SH2B3: variants seen among roughly 807,000 people sequenced by gnomAD.
The protein encoded by SH2B3 is SH2B adapter protein 3.
In SH2B3, 43 loss-of-function variants were observed where a neutral mutation model predicts 51.9. That is an observed-to-expected ratio of 0.83 (90% confidence interval 0.65 to 1.07). SH2B3 has a LOEUF of 1.07. Among genes scored for constraint, SH2B3 ranks in the 50% least tolerant of loss-of-function variants. SH2B3 has a pLI of 0.00. For synonymous variants in SH2B3, 396 were observed against 376.0 expected (o/e 1.05, Z -0.62); for missense variants, 952 against 834.3 (o/e 1.14, Z -1.74).
intron 2 of SH2B3, among the ~76,000 whole-genome samples, chr12:111,424,344 C>T (rs1477246174): frequency 6.6e-6 from 1 of 151,870 alleles, no homozygotes; most frequent in African/African-American, 2.4e-5. Context: ...ACGTGCCTGG[C>T]GCTGGGAGCA....
Position 111,447,563 on chromosome 12 carries a change from T to TGGGGTGGGGC in SH2B3, c.1236+20_1236+29dup. The TGGGGTGGGGC allele has an allele frequency of 5.4e-6, 1 of 183,962 alleles. No individual in the cohort carries two copies. The highest frequency in any genetic ancestry group is 1.1e-5 in the Non-Finnish European group (1 of 94,550). 11.4% of individuals were successfully genotyped at this position (183,962 alleles called of 1,614,324 possible). ...AGCCAAGGTATGGGGTGGGGTGGGGTGGGGTGGGGCAGGCAGGACCGTGCC... is the reference window on the plus strand; with the variant it reads ...AGCCAAGGTATGGGGTGGGGTGGGGTGGGGTGGGGCGGGGTGGGGCAGGCAGGACCGTGCC... On this transcript the variant is annotated intron_variant, in intron 6 of 7. Transcript: ENST00000341259.
chr12:111,447,508 A>G lies in SH2B3; in HGVS notation c.1200A>G (p.Glu400=). Residue 400 remains glutamate, a synonymous_variant, in exon 6 of 8, where the codon GAA becomes GAG. Transcript: ENST00000341259. ...GGCAGAGCGAGACGCGGCGTGGGGAATACGTGCTCACTTTCAACTTTCAGG... is the reference window on the plus strand; with the variant it reads ...GGCAGAGCGAGACGCGGCGTGGGGAGTACGTGCTCACTTTCAACTTTCAGG... The part of the protein sequence containing the change: ...LVRQSETRRG[E]YVLTFNFQGI... The G allele has an allele frequency of 1.4e-6, 2 of 1,415,792 alleles. No homozygotes were observed. The highest frequency in any genetic ancestry group is 4.1e-5 in the East Asian group (1 of 24,328). The allele number at this position is 1,415,792 out of a possible 1,614,324, so 87.7% of individuals were successfully genotyped here. A position where few individuals can be genotyped will look rare whatever the true frequency, so the allele number is the denominator to read the frequency against.
chr12:111,421,077 C>T (rs1871513632), intron 2 of SH2B3, among the ~76,000 whole-genome samples: 2 of 152,218 alleles, frequency 1.3e-5, no homozygotes, highest in East Asian at 1.9e-4. Context: ...CTTATCACCA[C>T]AGGTTCGATT....
chr12:111,415,324 C>T (rs1228078279), intron 1 of SH2B3, among the ~76,000 whole-genome samples: 2 of 152,096 alleles, frequency 1.3e-5, no homozygotes, highest in African/African-American at 4.8e-5. Flanking sequence ...CCAGGCCCAG[C>T]GAGGGTCAGG....
At chr12:111,446,897 AT>A in intron 3 of SH2B3, 43 bp downstream of exon 3, 3 of 1,603,314 alleles carry the variant, frequency 1.9e-6, no homozygotes, top group Non-Finnish European at 2.6e-6. Context: ...ATACAAATAC[AT>A]ACACATACAG....
At position 111,418,505 on chromosome 12, in the gene SH2B3, C is replaced by G; in HGVS notation, c.360C>G (p.Ser120Arg). The stretch of plus-strand genomic sequence containing the variant: ...CCCCTGGCCTGCCCAAGGCCCGCAG[C>G]TCTGAGGAGCTGGCCCCGCCGCGGC... ...PAAPGLPKAR[S>R]SEELAPPRPP... Residue 120 changes from serine to arginine, a missense_variant, in exon 2 of 8, where the codon AGC becomes AGG. Ser to Arg is a moderately radical substitution (Grantham distance 110). Transcript: ENST00000341259. This position sits in a 1 kb window ranked among gnomAD's most constrained non-coding sequence, Gnocchi z 6.7. 7.2e-7 allele frequency: 1 copy of G among 1,382,226 alleles called. No homozygotes were observed. Among genetic ancestry groups the G allele is most frequent in the Non-Finnish European group, 9.3e-7 (1 of 1,070,248 alleles). 85.6% of individuals were successfully genotyped at this position (1,382,226 alleles called of 1,614,324 possible).
At chr12:111,415,442 C>T (rs1422220245) in intron 1 of SH2B3, among the ~76,000 whole-genome samples, 2 of 152,162 alleles carry the variant, frequency 1.3e-5, no homozygotes, top group Non-Finnish European at 2.9e-5. Context: ...TAAGGAAAGG[C>T]CCTCTGGCCA....
chr12:111,446,693 GC>G (rs1873992205), intron 2 of SH2B3, 59 bp from the exon 3 acceptor site: 3 of 938,290 alleles, frequency 3.2e-6, no homozygotes, highest in Middle Eastern at 2.2e-4. Flanking sequence ...ACAAACTCAG[GC>G]CTGGCTGGAA....
rs965841026 is a variant in SH2B3 at position 111,451,496 on chromosome 12, A to G, written c.*3194A>G. 2.2e-4 allele frequency: 33 copies of G among 152,814 alleles called. No individual in the cohort carries two copies. Among genetic ancestry groups the G allele is most frequent in the African/African-American group, 7.9e-4 (33 of 41,592 alleles). 9.5% of individuals were successfully genotyped at this position (152,814 alleles called of 1,614,324 possible). On this transcript the variant is annotated 3_prime_UTR_variant, in exon 8 of 8. Transcript: ENST00000341259. ...GGATTCATCTTGTATCATTATAGGC[A>G]GAAGGTATTTGGCAAATTTTTATGT...
rs1026035356 is a variant in SH2B3, at chr12:111,409,322, C to T, written c.-28+3045C>T. Among the ~76,000 whole-genome samples, 10 of 152,168 alleles carry T rather than the reference C, an allele frequency of 6.6e-5. No homozygotes were observed. The highest frequency in any genetic ancestry group is 1.3e-4 in the Admixed American group (2 of 15,270). On this transcript the variant is annotated intron_variant, in intron 1 of 7. Transcript: ENST00000341259. This position sits in a 1 kb window ranked among gnomAD's most constrained non-coding sequence, Gnocchi z 4.0. ...GAGAAAAGGAGGCATGCACAGTGCC[C>T]GGCATGCAATTGGCACTCAATAAGT...
At chr12:111,436,541 C>T (rs995754716) in intron 2 of SH2B3, among the ~76,000 whole-genome samples, 1 of 152,082 alleles carries the variant, frequency 6.6e-6, no homozygotes, top group Non-Finnish European at 1.5e-5. Flanking sequence ...CCCTTGGCCA[C>T]CTGGTGGAGT....
chr12:111,439,610 G>A (rs1220114501), intron 2 of SH2B3, among the ~76,000 whole-genome samples: 1 of 151,266 alleles, frequency 6.6e-6, no homozygotes, highest in East Asian at 2.0e-4. Context: ...ATGAGATTTT[G>A]CTCTGTTGTC....
Position 111,447,404 on chromosome 12 carries a change from C to T in SH2B3, c.1096C>T (p.His366Tyr). Residue 366 changes from histidine (H) to tyrosine (Y), a missense_variant, in exon 6 of 8, where the codon CAC becomes TAC. Transcript: ENST00000341259. Reference sequence around the variant, plus strand: ...TTTCCTGTCCTGCTACCCCTGGTTCCACGGCCCCATCTCCAGAGTGAAAGC... The same window carrying T: ...TTTCCTGTCCTGCTACCCCTGGTTCTACGGCCCCATCTCCAGAGTGAAAGC... ...DHFLSCYPWF[H>Y]GPISRVKAAQ... 1 of 1,614,112 alleles carries T rather than the reference C, an allele frequency of 6.2e-7. No homozygotes were observed. Among genetic ancestry groups the T allele is most frequent in the Non-Finnish European group, 8.5e-7 (1 of 1,179,988 alleles).
chr12:111,436,061 A>G (rs1322847451), intron 2 of SH2B3, among the ~76,000 whole-genome samples: 1 of 152,026 alleles, frequency 6.6e-6, no homozygotes, highest in African/African-American at 2.4e-5. Context: ...GGGCAGGTGG[A>G]TGGAAGCTGC....
At chr12:111,442,926 C>G (rs1267458804) in intron 2 of SH2B3, among the ~76,000 whole-genome samples, 1 of 152,228 alleles carries the variant, frequency 6.6e-6, no homozygotes. Context: ...GAGGGCAAAG[C>G]CAGTAACAGA....
At chr12:111,445,678 C>T (rs1018486552) in intron 2 of SH2B3, among the ~76,000 whole-genome samples, 1 of 152,250 alleles carries the variant, frequency 6.6e-6, no homozygotes, top group Non-Finnish European at 1.5e-5. Context: ...GCTGGAAGGG[C>T]CCAGGTGGCC....
rs914142227 is a variant in SH2B3 at position 111,435,354 on chromosome 12, G to C, written c.733-11399G>C. Reference sequence around the variant, plus strand: ...GTCACAGATGCGGGGCCTGGCTACAGTCCTCACTGGTGTTTTTTTTGTTTT... The same window carrying C: ...GTCACAGATGCGGGGCCTGGCTACACTCCTCACTGGTGTTTTTTTTGTTTT... On this transcript the variant is annotated intron_variant, in intron 2 of 7. Coordinates refer to ENST00000341259, the MANE Select transcript of SH2B3 (RefSeq NM_005475.3). The surrounding 1 kb of genome is among the most constrained non-coding windows in gnomAD (Gnocchi z 4.8). 2.6e-5 allele frequency among the ~76,000 whole-genome samples: 4 copies of C among 152,176 alleles called. No individual in the cohort carries two copies. Among genetic ancestry groups the C allele is most frequent in the Non-Finnish European group, 4.4e-5 (3 of 68,036 alleles).
intron 1 of SH2B3, among the ~76,000 whole-genome samples, chr12:111,417,218 T>C (rs1005034709): frequency 6.6e-6 from 1 of 152,176 alleles, no homozygotes; most frequent in African/African-American, 2.4e-5. Flanking sequence ...AGGTTGTTTC[T>C]AGTTTTTCCC....
intron 2 of SH2B3, among the ~76,000 whole-genome samples, chr12:111,430,359 C>T (rs1872373664): frequency 6.6e-6 from 1 of 152,204 alleles, no homozygotes; most frequent in African/African-American, 2.4e-5. Context: ...CGGGGCGCTT[C>T]CTTTCAGCTC....
Sources: allele counts gnomAD v4.1 joint callset (sites outside exome capture counted in the v4.1 genomes callset), GRCh38; gene constraint gnomAD v4.1.1; non-coding constraint Gnocchi (gnomAD v3.1); transcripts MANE v1.5; gene names NCBI Gene and HGNC (gene_info 2026-07-23, HGNC 2026-07-21).